Variants in OTUD4 observed in about 807,000 individuals in gnomAD.
OTUD4 encodes OTU domain-containing protein 4.
Under a neutral mutation model 130.4 loss-of-function variants are expected in OTUD4, and 24 were observed. That is an observed-to-expected ratio of 0.18 (90% CI 0.13 to 0.26). The LOEUF (loss-of-function observed/expected upper bound fraction) is 0.26. Among genes scored for constraint, OTUD4 ranks in the 10% least tolerant of loss-of-function variants. The probability of loss-of-function intolerance (pLI) is 1.00; values close to 1 mark genes in which losing one functional copy is unlikely to be tolerated. For synonymous variants in OTUD4, 420 were observed against 472.5 expected, an observed-to-expected ratio of 0.89 and a Z score of 1.44; for missense variants, 1,031 against 1,329.4, an observed-to-expected ratio of 0.78 and a Z score of 3.49.
intron 1 of OTUD4, 139 bp from the exon 2 acceptor site, chr4:145,174,883 T>G (rs1172235770): frequency 3.3e-6 from 2 of 605,384 alleles, no homozygotes; most frequent in Admixed American, 2.5e-5. Flanking sequence ...AATTTCGATA[T>G]CTTTACTCAT....
Position 145,135,007 on chromosome 4 carries a change from A to G in OTUD4, c.*2423T>C, listed in dbSNP as rs1750174494. On this transcript the variant is annotated 3_prime_UTR_variant, in exon 21 of 21. Transcript: ENST00000447906. ...TATGACATAACAGTTAAAATGAAGG[A>G]CAAAAGCTTGCTTATCCTTAGTTTG... 5.0e-6 allele frequency: 2 copies of G among 397,040 alleles called. No individual in the cohort carries two copies. Among genetic ancestry groups the G allele is most frequent in the South Asian group, 1.4e-4 (1 of 7,024 alleles). 24.6% of individuals were successfully genotyped at this position (397,040 alleles called of 1,614,324 possible).
At chr4:145,169,767 C>T (rs2126800724) in intron 3 of OTUD4, among the ~76,000 whole-genome samples, 1 of 152,258 alleles carries the variant, frequency 6.6e-6, no homozygotes, top group South Asian at 2.1e-4. Context: ...CCATTGTGCC[C>T]AGCCCAGGAA....
rs1207393042 is a variant in OTUD4 at position 145,137,454 on chromosome 4, A to G, written c.3321T>C (p.Asp1107=). The G allele has an allele frequency of 2.5e-6, 4 of 1,610,778 alleles. No individual in the cohort carries two copies. The highest frequency in any genetic ancestry group is 3.4e-6 in the Non-Finnish European group (4 of 1,177,752). ...RGDRRRSGMG[D]GHRGQHT ...ATCAAGTGTGCTGTCCCCTATGGCC[A>G]TCTCCCATCCCTGATCTCCTCCTAT... Residue 1107 remains aspartate (D), a synonymous_variant, in exon 21 of 21, where the codon GAT becomes GAC. Coordinates refer to ENST00000447906, the MANE Select transcript of OTUD4 (RefSeq NM_001366057.1).
chr4:145,141,541 G>A lies in OTUD4; in HGVS notation c.1921C>T (p.Pro641Ser). 6.2e-7 allele frequency: 1 copy of A among 1,612,328 alleles called. No homozygotes were observed. The highest frequency in any genetic ancestry group is 1.1e-5 in the South Asian group (1 of 90,778). The stretch of plus-strand genomic sequence containing the variant: ...TGGTTAACTGCCTGTATTGACACAG[G>A]AACTGGAGAGGGTGTTAAATGAGCT... Reference protein sequence around the residue: ...SQAHLTPSPVPVSIQAVNQPL... With the variant: ...SQAHLTPSPVSVSIQAVNQPL... The change falls in exon 19 of 21, where the codon CCT (proline) becomes TCT (serine). Residue 641 changes from proline (P) to serine (S), a missense_variant. This residue lies in a region of OTUD4 where 900 missense variants were observed against 1,095.9 expected (regional missense o/e 0.82). Coordinates refer to ENST00000447906, the MANE Select transcript of OTUD4 (RefSeq NM_001366057.1).
intron 14 of OTUD4, among the ~76,000 whole-genome samples, chr4:145,144,826 A>C (rs1477060106): frequency 6.6e-6 from 1 of 152,174 alleles, no homozygotes; most frequent in African/African-American, 2.4e-5. Context: ...GGGAGAACCT[A>C]AGTGCAAATT....
intron 20 of OTUD4, 79 bp downstream of exon 20, chr4:145,139,872 G>A: frequency 2.0e-6 from 1 of 495,934 alleles, no homozygotes; most frequent in East Asian, 5.1e-5. Context: ...CTGACTGACA[G>A]GGTAAGAGTT....
rs377202273 is a variant in OTUD4 at position 145,174,735 on chromosome 4, A to T, written c.169T>A (p.Ser57Thr). The change falls in exon 2 of 21, where the codon TCT becomes ACT. Residue 57 changes from serine (S) to threonine (T), a missense_variant. Ser to Thr is a moderately conservative substitution (Grantham distance 58). Around this residue, in one of 3 missense-constraint regions of OTUD4, gnomAD observed 77 missense variants for 172.9 expected, o/e 0.45. Transcript: ENST00000447906. ...CTGACTTCAACATGGCGAGACTGAGAGTGCAATACCTAAAAAGAAAAGGCA... is the reference window on the plus strand; with the variant it reads ...CTGACTTCAACATGGCGAGACTGAGTGTGCAATACCTAAAAAGAAAAGGCA... ...FRAVAEQVLH[S>T]QSRHVEVRMA... 4 of 1,597,884 alleles carry T rather than the reference A, an allele frequency of 2.5e-6. No individual in the cohort carries two copies. The African/African-American group carries it at 5.4e-5, about 21-fold the overall frequency.
rs36225839 is a variant in OTUD4, at chr4:145,155,480, TA to T, written c.809-6del. 277,969 of 1,216,286 alleles carry T rather than the reference TA, an allele frequency of 0.23. 23,368 individuals are homozygous for T. Among genetic ancestry groups the T allele is most frequent in the African/African-American group, 0.47 (32,087 of 68,556 alleles). The allele number at this position is 1,216,286 out of a possible 1,614,324, so 75.3% of individuals were successfully genotyped here. A position where few individuals can be genotyped will look rare whatever the true frequency, so the allele number is the denominator to read the frequency against. ...AATAATCACGTTTTTGCTGAGCTGT[TA>T]AAAAAAAAAAGGTCAGTATAATATA... On this transcript the variant is annotated splice_polypyrimidine_tract_variant and splice_region_variant and intron_variant, in intron 9 of 20. Coordinates refer to ENST00000447906, the MANE Select transcript of OTUD4 (RefSeq NM_001366057.1).
At chr4:145,148,014 C>A (rs755635575) in intron 13 of OTUD4, among the ~76,000 whole-genome samples, 4 of 152,194 alleles carry the variant, frequency 2.6e-5, no homozygotes, top group Non-Finnish European at 5.9e-5. Flanking sequence ...TGACAAACTG[C>A]AAATACCACT....
chr4:145,176,188 G>A (rs1176193522), intron 1 of OTUD4, among the ~76,000 whole-genome samples: 3 of 150,670 alleles, frequency 2.0e-5, no homozygotes, highest in Non-Finnish European at 4.4e-5. Flanking sequence ...GAGCCACCAC[G>A]CCCGGCCCTA....
intron 5 of OTUD4, among the ~76,000 whole-genome samples, chr4:145,163,527 AT>A (rs922375366): frequency 1.5e-4 from 23 of 151,342 alleles, no homozygotes; most frequent in East Asian, 3.9e-4. Context: ...TTCACAAGTT[AT>A]TTTTTTTTAC....
intron 1 of OTUD4, chr4:145,178,403 C>A (rs1390282962): frequency 2.0e-5 from 3 of 152,204 alleles, no homozygotes; most frequent in Non-Finnish European, 4.4e-5. Context: ...GTTATAAATA[C>A]GGGCTGAATT....
At chr4:145,145,583 A>T (rs1166978804) in intron 14 of OTUD4, among the ~76,000 whole-genome samples, 1 of 152,162 alleles carries the variant, frequency 6.6e-6, no homozygotes, top group East Asian at 1.9e-4. Flanking sequence ...ACCATTCTGG[A>T]TCATAGGTCA....
chr4:145,170,704 T>C (rs1309923690), intron 3 of OTUD4: 2 of 152,234 alleles, frequency 1.3e-5, no homozygotes, highest in Non-Finnish European at 2.9e-5. Context: ...ACCAAATGGA[T>C]ACATCAGTCA....
At position 145,145,730 on chromosome 4, in the gene OTUD4, T is replaced by C. The variant is rs1345963141; in HGVS notation, c.1422+537A>G. Among the ~76,000 whole-genome samples the C allele has an allele frequency of 4.6e-5, 7 of 152,268 alleles. No individual in the cohort carries two copies. The East Asian group carries it at 1.4e-3, about 29-fold the overall frequency. ...ATACTTCATTCTACATGAGAACAGT[T>C]TTCCCTTCTGACTTCCCAAAAAGAA... On this transcript the variant is annotated intron_variant, in intron 14 of 20. Coordinates refer to ENST00000447906, the MANE Select transcript of OTUD4 (RefSeq NM_001366057.1).
At chr4:145,176,278 A>C (rs1752418110) in intron 1 of OTUD4, among the ~76,000 whole-genome samples, 1 of 151,704 alleles carries the variant, frequency 6.6e-6, no homozygotes, top group Admixed American at 6.6e-5. Context: ...ATATTCCTGT[A>C]CCGTAAAGGG....
chr4:145,165,868 C>A (rs939948506), intron 3 of OTUD4, among the ~76,000 whole-genome samples: 11 of 152,042 alleles, frequency 7.2e-5, no homozygotes, highest in Non-Finnish European at 1.5e-4. Context: ...AAATGAAATA[C>A]TGAATAGAGG....
chr4:145,139,729 T>G (rs1213168930), intron 20 of OTUD4, among the ~76,000 whole-genome samples: 1 of 152,098 alleles, frequency 6.6e-6, no homozygotes, highest in Non-Finnish European at 1.5e-5. Context: ...TTAAATATAC[T>G]CACAGGTTAA....
At chr4:145,148,481 A>G (rs1263648254) in intron 13 of OTUD4, among the ~76,000 whole-genome samples, 1 of 151,940 alleles carries the variant, frequency 6.6e-6, no homozygotes, top group Non-Finnish European at 1.5e-5. Context: ...CCTGGGCAAC[A>G]AGAGTGAAAC....
Sources: allele counts gnomAD v4.1 joint callset (sites outside exome capture counted in the v4.1 genomes callset), GRCh38; gene constraint gnomAD v4.1.1; regional missense constraint gnomAD v4.1.1; transcripts MANE v1.5; gene names NCBI Gene and HGNC (gene_info 2026-07-23, HGNC 2026-07-21).